CC2D2B: variants seen among roughly 807,000 people sequenced by gnomAD.
CC2D2B encodes the protein protein CC2D2B.
A neutral mutation model predicts 161.2 loss-of-function variants in CC2D2B; 128 were observed. The observed-to-expected ratio is 0.79, with a 90% CI of 0.69 to 0.92. The LOEUF (loss-of-function observed/expected upper bound fraction) is 0.92. Among genes scored for constraint, CC2D2B ranks in the 40% least tolerant of loss-of-function variants. The probability of loss-of-function intolerance (pLI) is 0.00; values close to 1 mark genes in which losing one functional copy is unlikely to be tolerated. For missense variants in CC2D2B, 1,173 were observed against 1,375.1 expected (o/e 0.85, Z 2.32); for synonymous variants, 391 against 449.8 (o/e 0.87, Z 1.65).
chr10:95,998,359 C>T (rs2078314873), intron 24 of CC2D2B, among the ~76,000 whole-genome samples: 1 of 152,038 alleles, frequency 6.6e-6, no homozygotes, highest in Non-Finnish European at 1.5e-5. Flanking sequence ...CATGTATCTA[C>T]CATTATAGTA....
At chr10:95,981,133 C>T (rs1316886083) in intron 17 of CC2D2B, among the ~76,000 whole-genome samples, 2 of 152,178 alleles carry the variant, frequency 1.3e-5, no homozygotes, top group Admixed American at 6.5e-5. Context: ...GTGGCTCATG[C>T]CTGTAATCCC....
chr10:95,981,966 C>T lies in CC2D2B; in HGVS notation c.1944-9C>T, dbSNP rs2077547840. 1 of 1,214,650 alleles carries T rather than the reference C, an allele frequency of 8.2e-7. No individual in the cohort carries two copies. The allele number at this position is 1,214,650 out of a possible 1,614,324, so 75.2% of individuals were successfully genotyped here. On this transcript the variant is annotated splice_polypyrimidine_tract_variant and intron_variant, in intron 17 of 34. Transcript: ENST00000646931. The stretch of plus-strand genomic sequence containing the variant: ...TATGCAAGTTCACAAAATATTTTCT[C>T]TATGTTAGTATGTTAAGGAATGTAG...
intron 32 of CC2D2B, among the ~76,000 whole-genome samples, chr10:96,022,045 C>T (rs754150727): frequency 1.3e-4 from 20 of 152,170 alleles, no homozygotes; most frequent in South Asian, 2.1e-4. Flanking sequence ...TGGCTGGGTG[C>T]GGTGGCTCAC....
intron 34 of CC2D2B, among the ~76,000 whole-genome samples, chr10:96,027,762 A>G (rs1280011243): frequency 1.3e-5 from 2 of 152,248 alleles, no homozygotes; most frequent in Non-Finnish European, 2.9e-5. Context: ...AGCTTTAGTA[A>G]CTAAAATAGT....
chr10:95,911,269 G>A (rs1241587973), intron 1 of CC2D2B, 32 bp from the exon 2 acceptor site: 1 of 230,466 alleles, frequency 4.3e-6, no homozygotes, highest in East Asian at 9.2e-5. Flanking sequence ...CTTATGATAT[G>A]TCATTCTCAA....
chr10:95,981,218 GC>G (rs2077510409), intron 17 of CC2D2B, among the ~76,000 whole-genome samples: 1 of 151,918 alleles, frequency 6.6e-6, no homozygotes, highest in South Asian at 2.1e-4. Context: ...ATGGTGAAAT[GC>G]CCTCTCTACT....
At chr10:96,029,534 G>C (rs2079975860) in intron 34 of CC2D2B, among the ~76,000 whole-genome samples, 1 of 151,314 alleles carries the variant, frequency 6.6e-6, no homozygotes, top group Non-Finnish European at 1.5e-5. Context: ...AAAACCTCTA[G>C]TAGTAGATCA....
Position 95,974,100 on chromosome 10 carries a change from T to C in CC2D2B, c.1887T>C (p.Asp629=), listed in dbSNP as rs565155704. 6.6e-5 allele frequency: 81 copies of C among 1,230,036 alleles called. No individual in the cohort carries two copies. Among genetic ancestry groups the C allele is most frequent in the Non-Finnish European group, 8.1e-5 (80 of 986,162 alleles). The allele number at this position is 1,230,036 out of a possible 1,614,324, so 76.2% of individuals were successfully genotyped here. A position where few individuals can be genotyped will look rare whatever the true frequency, so the allele number is the denominator to read the frequency against. ...GCTATTCTCTATCATGGAGCTTAGA[T>C]GAAAATGGTCTTCCTCTGATACCTA... The part of the protein sequence containing the change: ...KLSYSLSWSL[D]ENGLPLIPMP... The change falls in exon 17 of 35, where the codon GAT becomes GAC. Residue 629 remains aspartate (D), a synonymous_variant. Coordinates refer to ENST00000646931, the MANE Select transcript of CC2D2B (RefSeq NM_001349008.3).
chr10:96,011,752 T>TAC lies in CC2D2B; in HGVS notation c.3046-409_3046-408dup, dbSNP rs369797565. Among the ~76,000 whole-genome samples, 6,268 of 148,102 alleles carry TAC rather than the reference T, an allele frequency of 0.042. 854 individuals carry two copies. In the East Asian group the frequency reaches 0.52, roughly 12 times the overall value. On this transcript the variant is annotated intron_variant, in intron 26 of 34. Coordinates refer to ENST00000646931, the MANE Select transcript of CC2D2B (RefSeq NM_001349008.3). Reference sequence around the variant, plus strand: ...CCTCTTACACACACGCACACACACATACACACACACACACACACACACACA... The same window carrying TAC: ...CCTCTTACACACACGCACACACACATACACACACACACACACACACACACACA...
At chr10:95,953,202 C>T (rs184561435) in intron 10 of CC2D2B, among the ~76,000 whole-genome samples, 1 of 151,968 alleles carries the variant, frequency 6.6e-6, no homozygotes, top group African/African-American at 2.4e-5. Context: ...TATATTTTGG[C>T]AAACATTTTA....
At chr10:95,916,013 T>G (rs2098515669) in intron 2 of CC2D2B, among the ~76,000 whole-genome samples, 1 of 152,294 alleles carries the variant, frequency 6.6e-6, no homozygotes, top group African/African-American at 2.4e-5. Context: ...AATTTAGCAG[T>G]GAAGCCATCA....
At chr10:96,019,875 A>C (rs769358187) in intron 32 of CC2D2B, 51 bp downstream of exon 32, 6 of 1,470,334 alleles carry the variant, frequency 4.1e-6, no homozygotes, top group Non-Finnish European at 5.5e-6. Context: ...CATTGCTTCT[A>C]ATCTTTACTA....
At chr10:95,958,322 A>C (rs972287240) in intron 11 of CC2D2B, among the ~76,000 whole-genome samples, 3 of 151,884 alleles carry the variant, frequency 2.0e-5, no homozygotes, top group Admixed American at 2.0e-4. Flanking sequence ...TGAAACCCCA[A>C]CTGTACTAAA....
At chr10:96,022,789 G>A (rs2079526201) in intron 32 of CC2D2B, 1 of 152,336 alleles carries the variant, frequency 6.6e-6, no homozygotes, top group Non-Finnish European at 1.5e-5. Context: ...GAACAAGCAA[G>A]TGCAGTACAG....
intron 24 of CC2D2B, among the ~76,000 whole-genome samples, chr10:96,000,452 C>T (rs1031323200): frequency 4.6e-5 from 7 of 152,216 alleles, no homozygotes; most frequent in African/African-American, 1.4e-4. Flanking sequence ...CAAGCTCTGC[C>T]TCCCAGGTTC....
At chr10:96,025,174 T>TAAAAAAAAAAA (rs1564683948) in intron 33 of CC2D2B, among the ~76,000 whole-genome samples, 1 of 15,100 alleles carries the variant, frequency 6.6e-5, no homozygotes, top group African/African-American at 2.7e-4. Flanking sequence ...TATATATATA[T>TAAAAAAAAAAA]ATATATATAT....
In CC2D2B at chr10:95,974,170, A is replaced by G; in HGVS notation, c.1943+14A>G. 8.2e-7 allele frequency: 1 copy of G among 1,221,684 alleles called. No homozygotes were observed. The highest frequency in any genetic ancestry group is 1.0e-6 in the Non-Finnish European group (1 of 978,580). The allele number at this position is 1,221,684 out of a possible 1,614,324, so 75.7% of individuals were successfully genotyped here. On this transcript the variant is annotated intron_variant, in intron 17 of 34. Transcript: ENST00000646931. ...TTCTTACTGCAGGTAATAAACTTTT[A>G]TCTTTGAAAAATAATGCCAGGTCTC...
At chr10:96,007,625 C>G (rs1321590398) in intron 25 of CC2D2B, among the ~76,000 whole-genome samples, 1 of 152,132 alleles carries the variant, frequency 6.6e-6, no homozygotes, top group Non-Finnish European at 1.5e-5. Context: ...GATGGGGTAA[C>G]TTCCTAAGTG....
chr10:95,956,998 T>C lies in CC2D2B; in HGVS notation c.1109+1507T>C, dbSNP rs1056987549. Among the ~76,000 whole-genome samples the C allele has an allele frequency of 2.0e-5, 3 of 152,198 alleles. 1 individual carries two copies. Among genetic ancestry groups the C allele is most frequent in the Admixed American group, 2.0e-4 (3 of 15,264 alleles). ...CTATATTTTGGAACTCTGGAGTCTA[T>C]TGAAGGCTTGCAGCATCCAGAGGAA... On this transcript the variant is annotated intron_variant, in intron 11 of 34. Coordinates refer to ENST00000646931, the MANE Select transcript of CC2D2B (RefSeq NM_001349008.3).
Sources: gnomAD v4.1 joint callset for allele counts (sites outside exome capture counted in the v4.1 genomes callset) on GRCh38, gnomAD v4.1.1 for gene constraint, MANE v1.5 for transcripts, NCBI Gene and HGNC (gene_info 2026-07-23, HGNC 2026-07-21) for gene names.